ARAP3: variants seen among roughly 807,000 people sequenced by gnomAD.
ARAP3 encodes the protein arf-GAP with Rho-GAP domain, ANK repeat and PH domain-containing protein 3.
Under a neutral mutation model 169.2 loss-of-function variants are expected in ARAP3, and 82 were observed. That is an observed-to-expected ratio of 0.48 (90% confidence interval 0.41 to 0.58). ARAP3 has a LOEUF of 0.58. Among genes scored for constraint, ARAP3 ranks in the 20% least tolerant of loss-of-function variants. The pLI is 0.00. For synonymous variants in ARAP3, 791 were observed against 800.3 expected (o/e 0.99, Z 0.20); for missense variants, 1,764 against 2,018.0 (o/e 0.87, Z 2.41).
rs139813595 is a variant in ARAP3, at chr5:141,662,143, G to A, written c.2913C>T (p.His971=). 19 of 1,614,166 alleles carry A rather than the reference G, an allele frequency of 1.2e-5. No individual in the cohort carries two copies. The African/African-American group carries it at 2.3e-4, about 19-fold the overall frequency. ...GTGTGTCAGTGACATCCTCCACAAA[G>A]TGCTCCCCTGGTCGGAGCTTCACCG... The part of the protein sequence containing the change: ...ARSVKLRPGE[H]FVEDVTDTLK... The change falls in exon 20 of 33, where the codon CAC becomes CAT. Residue 971 remains histidine (H), a synonymous_variant. Coordinates refer to ENST00000239440, the MANE Select transcript of ARAP3 (RefSeq NM_022481.6).
At chr5:141,659,540 G>A (rs2099909673) in intron 22 of ARAP3, 64 bp from the exon 23 acceptor site, 1 of 1,551,210 alleles carries the variant, frequency 6.4e-7, no homozygotes, top group African/African-American at 1.4e-5. Context: ...AGATCTCAAG[G>A]CCAAGGAGGA....
rs2099908845 is a variant in ARAP3 at position 141,653,875 on chromosome 5, G to C, written c.*75C>G. 6.7e-7 allele frequency: 1 copy of C among 1,498,958 alleles called. No individual in the cohort carries two copies. Among genetic ancestry groups the C allele is most frequent in the African/African-American group, 1.4e-5 (1 of 71,472 alleles). The allele number at this position is 1,498,958 out of a possible 1,614,324, so 92.9% of individuals were successfully genotyped here. On this transcript the variant is annotated 3_prime_UTR_variant, in exon 33 of 33. Transcript: ENST00000239440. ...CTGGAGTCTTTCCAGCCAGGGCAGA[G>C]GAAGCTGCAACAGTGCCACGATAAG... is the stretch of plus-strand genomic sequence containing the variant.
In ARAP3 at chr5:141,672,605, G is replaced by C. The variant is rs1446463304; in HGVS notation, c.1332C>G (p.Val444=). The change falls in exon 9 of 33, where the codon GTC becomes GTG. Residue 444 remains valine (V), a synonymous_variant. Transcript: ENST00000239440. This position sits in a 1 kb window ranked among gnomAD's most constrained non-coding sequence, Gnocchi z 4.9. ...CAAAGCTTCGACTCTTGGTCTCCCGGACGCTGCAGCCCTGCAGTTCGATGA... is the reference window on the plus strand; with the variant it reads ...CAAAGCTTCGACTCTTGGTCTCCCGCACGCTGCAGCCCTGCAGTTCGATGA... ...ICFIELQGCS[V]RETKSRSFDL... The C allele has an allele frequency of 6.2e-7, 1 of 1,614,048 alleles. No individual in the cohort carries two copies. The highest frequency in any genetic ancestry group is 8.5e-7 in the Non-Finnish European group (1 of 1,179,930).
At chr5:141,661,581 G>T in intron 21 of ARAP3, 103 bp downstream of exon 21, 1 of 1,229,154 alleles carries the variant, frequency 8.1e-7, no homozygotes, top group Non-Finnish European at 1.2e-6. Context: ...CTTAACAACT[G>T]TTTGTGGAAT....
intron 1 of ARAP3, among the ~76,000 whole-genome samples, 182 bp downstream of exon 1, chr5:141,681,991 C>A (rs1449240523): frequency 7.3e-6 from 1 of 136,904 alleles, no homozygotes; most frequent in African/African-American, 2.7e-5. Flanking sequence ...GCGCAGGCTG[C>A]GACGAGGGAG....
chr5:141,658,661 G>A lies in ARAP3; in HGVS notation c.3337-8C>T. 2 of 1,577,298 alleles carry A rather than the reference G, an allele frequency of 1.3e-6. No homozygotes were observed. The highest frequency in any genetic ancestry group is 8.6e-7 in the Non-Finnish European group (1 of 1,167,806). ...GTCTCCAGCCTGAGACAGCTGAGGG[G>A]AGGGGTAAAAAAGTCAGAAGGGCAA... On this transcript the variant is annotated splice_region_variant and splice_polypyrimidine_tract_variant and intron_variant, in intron 23 of 32. Transcript: ENST00000239440.
In ARAP3 at chr5:141,655,847, T is replaced by G. The variant is rs564183646; in HGVS notation, c.3972+22A>C. On this transcript the variant is annotated intron_variant, in intron 30 of 32. Coordinates refer to ENST00000239440, the MANE Select transcript of ARAP3 (RefSeq NM_022481.6). ...CCCAGGGGGACCACAGACCCAGCCCTCAGCCTTTTCTTTCCCCTCACCTGG... is the reference window on the plus strand; with the variant it reads ...CCCAGGGGGACCACAGACCCAGCCCGCAGCCTTTTCTTTCCCCTCACCTGG... 1.9e-6 allele frequency: 3 copies of G among 1,613,956 alleles called. No individual in the cohort carries two copies. The Admixed American group carries it at 5.0e-5, about 27-fold the overall frequency.
At chr5:141,659,956 T>C in intron 21 of ARAP3, 30 bp from the exon 22 acceptor site, 2 of 1,531,176 alleles carry the variant, frequency 1.3e-6, no homozygotes, top group Non-Finnish European at 1.8e-6. Context: ...TCTTCATCAG[T>C]GTAGCCACTC....
chr5:141,672,373 G>A lies in ARAP3; in HGVS notation c.1386-72C>T. 1 of 1,588,302 alleles carries A rather than the reference G, an allele frequency of 6.3e-7. No individual in the cohort carries two copies. The highest frequency in any genetic ancestry group is 8.6e-7 in the Non-Finnish European group (1 of 1,161,238). On this transcript the variant is annotated intron_variant, in intron 9 of 32. Transcript: ENST00000239440. The surrounding 1 kb of genome is among the most constrained non-coding windows in gnomAD (Gnocchi z 4.9). ...TCCCATCCCCCTGGCTCTTCCTGCA[G>A]GAGCCACCACAGGCCACACCTGGGG...
intron 14 of ARAP3, among the ~76,000 whole-genome samples, 193 bp downstream of exon 14, chr5:141,670,319 A>T (rs1020717782): frequency 1.3e-5 from 2 of 152,138 alleles, no homozygotes; most frequent in Non-Finnish European, 2.9e-5. Flanking sequence ...GTCTGACTTC[A>T]GAACAGATGC....
intron 17 of ARAP3, among the ~76,000 whole-genome samples, chr5:141,665,625 C>T (rs983557687): frequency 6.6e-6 from 1 of 152,080 alleles, no homozygotes. Context: ...TCTCTTGTTT[C>T]CAAAGTCCTA....
In ARAP3 at chr5:141,669,982, A is replaced by G; in HGVS notation, c.2189T>C (p.Ile730Thr). 1 of 1,599,372 alleles carries G rather than the reference A, an allele frequency of 6.3e-7. No homozygotes were observed. Among genetic ancestry groups the G allele is most frequent in the South Asian group, 1.1e-5 (1 of 89,370 alleles). ...CAGACATACAATATCCTGGGGCTGT[A>G]TGAGGCTGAGGGGTTCAGGGCTGTT... ...SENSPEPLSL[I>T]QPQDIVCLGV... The change falls in exon 15 of 33, where the codon ATA becomes ACA. Residue 730 changes from isoleucine to threonine, a missense_variant. Coordinates refer to ENST00000239440, the MANE Select transcript of ARAP3 (RefSeq NM_022481.6).
chr5:141,664,471 C>A (rs1351732853), intron 19 of ARAP3, among the ~76,000 whole-genome samples: 1 of 152,124 alleles, frequency 6.6e-6, no homozygotes, highest in African/African-American at 2.4e-5. Context: ...CCCAGAAAAC[C>A]TCCCACACAG....
rs2099911490 is a variant in ARAP3, at chr5:141,671,822, C to A, written c.1672-70G>T. ...GTCCTCAGATGTTCCATTCCTGTCC[C>A]CAGGCTGGCCCAAGGCCTGCTTCTG... On this transcript the variant is annotated intron_variant, in intron 11 of 32. Transcript: ENST00000239440. This position sits in a 1 kb window ranked among gnomAD's most constrained non-coding sequence, Gnocchi z 4.9. 6.2e-7 allele frequency: 1 copy of A among 1,611,028 alleles called. No homozygotes were observed. The highest frequency in any genetic ancestry group is 1.7e-5 in the Admixed American group (1 of 59,868).
Position 141,680,494 on chromosome 5 carries a change from C to T in ARAP3, c.-8G>A, listed in dbSNP as rs2099912805. On this transcript the variant is annotated 5_prime_UTR_variant, in exon 2 of 33. An upstream open reading frame in the 5' UTR loses its in-frame stop. Transcript: ENST00000239440. The stretch of plus-strand genomic sequence containing the variant: ...GTCCTGAGGGGCAGCCATGGGGGCT[C>T]AGGCCATTGCTGGGGGGAGGGGCAG... 1 of 1,581,178 alleles carries T rather than the reference C, an allele frequency of 6.3e-7. No individual in the cohort carries two copies. The highest frequency in any genetic ancestry group is 1.3e-5 in the African/African-American group (1 of 74,590).
chr5:141,674,522 T>A (rs1432503584), intron 4 of ARAP3, among the ~76,000 whole-genome samples: 1 of 152,216 alleles, frequency 6.6e-6, no homozygotes, highest in Non-Finnish European at 1.5e-5. Context: ...CCTCCCGAAT[T>A]GCTGGGGTTA....
intron 25 of ARAP3, among the ~76,000 whole-genome samples, chr5:141,658,110 A>G (rs967265607): frequency 6.6e-6 from 1 of 152,160 alleles, no homozygotes; most frequent in Non-Finnish European, 1.5e-5. Flanking sequence ...AGTCTGGGCA[A>G]AAGAGGAAGA....
rs532172681 is a variant in ARAP3 at position 141,673,137 on chromosome 5, G to C, written c.973-4C>G. On this transcript the variant is annotated splice_polypyrimidine_tract_variant and splice_region_variant and intron_variant, in intron 6 of 32. Coordinates refer to ENST00000239440, the MANE Select transcript of ARAP3 (RefSeq NM_022481.6). ...TCACACCCTTAGGGAAGGGGTCCTG[G>C]AGAGAGAGAGCTCAATGACCCATGA... 6.2e-7 allele frequency: 1 copy of C among 1,614,060 alleles called. No individual in the cohort carries two copies.
chr5:141,653,921 C>T lies in ARAP3; in HGVS notation c.*29G>A. 1.3e-6 allele frequency: 2 copies of T among 1,510,926 alleles called. No homozygotes were observed. Among genetic ancestry groups the T allele is most frequent in the Non-Finnish European group, 1.8e-6 (2 of 1,130,822 alleles). 93.6% of individuals were successfully genotyped at this position (1,510,926 alleles called of 1,614,324 possible). A position where few individuals can be genotyped will look rare whatever the true frequency, so the allele number is the denominator to read the frequency against. On this transcript the variant is annotated 3_prime_UTR_variant, in exon 33 of 33. Coordinates refer to ENST00000239440, the MANE Select transcript of ARAP3 (RefSeq NM_022481.6). ...ATAAGAGTTTCTGGGTCTTCTGGTA[C>T]CTACCCTCTCAGACTGCTGGTCCTA...
Sources: gnomAD v4.1 joint callset for allele counts (sites outside exome capture counted in the v4.1 genomes callset) on GRCh38, gnomAD v4.1.1 for gene constraint, Gnocchi (gnomAD v3.1) non-coding constraint, MANE v1.5 for transcripts, NCBI Gene and HGNC (gene_info 2026-07-23, HGNC 2026-07-21) for gene names.